PTPRT: variants seen among roughly 807,000 people sequenced by gnomAD.
PTPRT encodes receptor-type tyrosine-protein phosphatase T.
Under a neutral mutation model 176.8 loss-of-function variants are expected in PTPRT, and 56 were observed. The observed-to-expected ratio is 0.32, with a 90% CI of 0.26 to 0.40. The LOEUF (loss-of-function observed/expected upper bound fraction) is 0.40. Among genes scored for constraint, PTPRT ranks in the 10% least tolerant of loss-of-function variants. The pLI is 1.00. For synonymous variants in PTPRT, 783 were observed against 739.0 expected, an observed-to-expected ratio of 1.06 and a Z score of -0.96; for missense variants, 1,540 against 1,908.2, an observed-to-expected ratio of 0.81 and a Z score of 3.60.
intron 1 of PTPRT, among the ~76,000 whole-genome samples, chr20:43,064,000 G>A (rs79412169): frequency 0.095 from 14,326 of 151,578 alleles, 764 homozygotes; most frequent in Middle Eastern, 0.15. Context: ...ATATTTACCC[G>A]TGGACTTTCC....
rs911437881 is a variant in PTPRT at position 42,206,452 on chromosome 20, A to C, written c.2343-7064T>G. ...ACCATGCGCGAGCCGAAGCAGGGCGAGGCATTGCCTCACTTGGGAAGCGCA... is the reference window on the plus strand; with the variant it reads ...ACCATGCGCGAGCCGAAGCAGGGCGCGGCATTGCCTCACTTGGGAAGCGCA... On this transcript the variant is annotated intron_variant, in intron 15 of 30. Coordinates refer to ENST00000373187, the MANE Select transcript of PTPRT (RefSeq NM_007050.6). Among the ~76,000 whole-genome samples the C allele has an allele frequency of 7.9e-5, 12 of 152,324 alleles. No individual in the cohort carries two copies. The East Asian group carries it at 2.3e-3, about 29-fold the overall frequency.
intron 9 of PTPRT, among the ~76,000 whole-genome samples, chr20:42,391,158 T>C (rs2058796014): frequency 1.3e-5 from 2 of 152,148 alleles, no homozygotes; most frequent in South Asian, 4.1e-4. Context: ...CTCTTTAAAA[T>C]GAGAATTAAA....
chr20:42,463,965 C>T (rs1212146702), intron 8 of PTPRT, among the ~76,000 whole-genome samples: 1 of 152,072 alleles, frequency 6.6e-6, no homozygotes, highest in African/African-American at 2.4e-5. Context: ...CAGTTGTATG[C>T]TACTAAATGT....
At chr20:42,100,632 G>GTGTT (rs1555864610) in intron 26 of PTPRT, among the ~76,000 whole-genome samples, 1 of 152,300 alleles carries the variant, frequency 6.6e-6, no homozygotes, top group Admixed American at 6.5e-5. Context: ...CAGGGAGGGG[G>GTGTT]TGTTGGGAGA....
chr20:43,039,843 C>T (rs1340400877), intron 1 of PTPRT, among the ~76,000 whole-genome samples: 1 of 152,114 alleles, frequency 6.6e-6, no homozygotes, highest in Non-Finnish European at 1.5e-5. Context: ...GAGTTCTAGA[C>T]CAGCCTGGGC....
intron 2 of PTPRT, among the ~76,000 whole-genome samples, chr20:42,799,732 A>C (rs542399255): frequency 3.9e-5 from 6 of 152,264 alleles, no homozygotes; most frequent in Admixed American, 1.3e-4. Flanking sequence ...ACCTCTTCCT[A>C]TGCACCCATT....
chr20:42,143,800 T>A (rs1170346495), intron 17 of PTPRT, among the ~76,000 whole-genome samples: 1 of 152,142 alleles, frequency 6.6e-6, no homozygotes, highest in Non-Finnish European at 1.5e-5. Context: ...ATCAAGGGAA[T>A]GAAGTCAATA....
intron 4 of PTPRT, among the ~76,000 whole-genome samples, chr20:42,777,932 A>G (rs1023483196): frequency 6.6e-6 from 1 of 152,170 alleles, no homozygotes; most frequent in African/African-American, 2.4e-5. Context: ...TTTATGCTTA[A>G]GCTGCCTCAA....
chr20:42,145,518 A>ATAGG (rs1240065681), intron 17 of PTPRT, among the ~76,000 whole-genome samples: 6 of 150,128 alleles, frequency 4.0e-5, no homozygotes, highest in Non-Finnish European at 7.4e-5. Context: ...AGATAGATAG[A>ATAGG]TAGATAGATA....
Position 42,691,898 on chromosome 20 carries a change from G to T in PTPRT, c.860-13739C>A, listed in dbSNP as rs1600618134. ...GCTTCTGTAGAGGAAGAGAACATGAGGAAACAGGAAGGAAAAGGTAAATAT... is the reference window on the plus strand; with the variant it reads ...GCTTCTGTAGAGGAAGAGAACATGATGAAACAGGAAGGAAAAGGTAAATAT... On this transcript the variant is annotated intron_variant, in intron 6 of 30. Transcript: ENST00000373187. 2.0e-5 allele frequency among the ~76,000 whole-genome samples: 3 copies of T among 152,272 alleles called. No individual in the cohort carries two copies. The South Asian group carries it at 6.2e-4, about 32-fold the overall frequency.
chr20:43,066,797 G>A (rs1268461391), intron 1 of PTPRT, among the ~76,000 whole-genome samples: 1 of 152,136 alleles, frequency 6.6e-6, no homozygotes, highest in Non-Finnish European at 1.5e-5. Flanking sequence ...AAACTTGATG[G>A]GTCAAATCTA....
intron 1 of PTPRT, chr20:42,969,236 G>A (rs1046422645): frequency 3.9e-5 from 6 of 152,174 alleles, no homozygotes; most frequent in African/African-American, 1.4e-4. Context: ...CTAGGGGTAG[G>A]ATGGAAAGGC....
At chr20:42,565,762 C>T (rs527447385) in intron 7 of PTPRT, among the ~76,000 whole-genome samples, 6 of 152,110 alleles carry the variant, frequency 3.9e-5, no homozygotes, top group Non-Finnish European at 2.9e-5. Context: ...GTGTGGGAGC[C>T]GGGGCAGGGA....
chr20:42,811,688 T>C (rs1411398965), intron 2 of PTPRT, among the ~76,000 whole-genome samples: 2 of 152,200 alleles, frequency 1.3e-5, no homozygotes, highest in Non-Finnish European at 1.5e-5. Flanking sequence ...GTTTTAATTG[T>C]TGGTGGCCGC....
intron 16 of PTPRT, among the ~76,000 whole-genome samples, chr20:42,172,480 G>A (rs1990118381): frequency 6.6e-6 from 1 of 152,328 alleles, no homozygotes; most frequent in South Asian, 2.1e-4. Flanking sequence ...GATGGACGTG[G>A]TCAGGGTCAG....
At chr20:42,343,619 C>G (rs369121880) in intron 11 of PTPRT, among the ~76,000 whole-genome samples, 1 of 152,204 alleles carries the variant, frequency 6.6e-6, no homozygotes, top group Non-Finnish European at 1.5e-5. Flanking sequence ...GTGCTCATAT[C>G]TGACCAAGTT....
At chr20:42,836,914 G>T (rs2078190467) in intron 2 of PTPRT, among the ~76,000 whole-genome samples, 1 of 152,120 alleles carries the variant, frequency 6.6e-6, no homozygotes, top group African/African-American at 2.4e-5. Flanking sequence ...CAAAAATAAG[G>T]AAATTGAGGT....
rs141705544 is a variant in PTPRT, at chr20:42,385,712, A to G, written c.1561-33427T>C. Among the ~76,000 whole-genome samples, 46 of 152,296 alleles carry G rather than the reference A, an allele frequency of 3.0e-4. No individual in the cohort carries two copies. The East Asian group carries it at 7.9e-3, about 26-fold the overall frequency. ...GTGGAAGGCAAGGAGGAGCAAAGTC[A>G]AGTCTTACATGGCAGCAGGCAAGAG... On this transcript the variant is annotated intron_variant, in intron 9 of 30. Coordinates refer to ENST00000373187, the MANE Select transcript of PTPRT (RefSeq NM_007050.6).
chr20:42,163,253 T>C (rs1568633683), intron 16 of PTPRT, among the ~76,000 whole-genome samples: 2 of 152,008 alleles, frequency 1.3e-5, no homozygotes. Context: ...TAATTCAGGG[T>C]GGTAGGTAAA....
Sources: gnomAD v4.1 joint callset for allele counts (sites outside exome capture counted in the v4.1 genomes callset) on GRCh38, gnomAD v4.1.1 for gene constraint, MANE v1.5 for transcripts, NCBI Gene and HGNC (gene_info 2026-07-23, HGNC 2026-07-21) for gene names.